Variants in GRIP2 observed in about 807,000 individuals in gnomAD.
The protein encoded by GRIP2 is glutamate receptor-interacting protein 2.
A neutral mutation model predicts 108.3 loss-of-function variants in GRIP2; 58 were observed. That is an observed-to-expected ratio of 0.54 (90% CI 0.43 to 0.67). GRIP2 has a LOEUF of 0.67. Among genes scored for constraint, GRIP2 ranks in the 30% least tolerant of loss-of-function variants. The pLI, the probability that GRIP2 is intolerant of heterozygous loss-of-function variation, is 0.00. For missense variants in GRIP2, 1,278 were observed against 1,430.6 expected, an observed-to-expected ratio of 0.89 and a Z score of 1.72; for synonymous variants, 586 against 598.2, an observed-to-expected ratio of 0.98 and a Z score of 0.30.
intron 5 of GRIP2, chr3:14,523,332 T>G: frequency 1.7e-6 from 1 of 573,654 alleles, no homozygotes; most frequent in Non-Finnish European, 3.1e-6. Flanking sequence ...TATTTCCCCT[T>G]TTCCCTGATC....
chr3:14,526,240 C>T (rs73132038), intron 1 of GRIP2, among the ~76,000 whole-genome samples: 4,348 of 152,290 alleles, frequency 0.029, 195 homozygotes, highest in African/African-American at 0.093. Flanking sequence ...CAGATTATTC[C>T]ACTGTACAGA....
At chr3:14,584,204 A>T in the GRIP2 span, among the ~76,000 whole-genome samples, 1 of 152,208 alleles carries the variant, frequency 6.6e-6, no homozygotes, top group African/African-American at 2.4e-5. Context: ...CTGGACCAGG[A>T]GGTGACTGCA....
chr3:14,525,587 G>C lies in GRIP2; in HGVS notation c.122-15C>G. On this transcript the variant is annotated splice_polypyrimidine_tract_variant and intron_variant, in intron 2 of 23. Coordinates refer to ENST00000621039, the MANE Select transcript of GRIP2 (RefSeq NM_001080423.4). ...TCGGAACTCCTCTGCCAACAGATGG[G>C]GATGGGGGCTTGAGCGGGCAGCTGG... The C allele has an allele frequency of 6.2e-7, 1 of 1,613,618 alleles. No homozygotes were observed. The highest frequency in any genetic ancestry group is 8.5e-7 in the Non-Finnish European group (1 of 1,179,828).
At chr3:14,579,955 G>C in the GRIP2 span, among the ~76,000 whole-genome samples, 1 of 152,334 alleles carries the variant, frequency 6.6e-6, no homozygotes, top group South Asian at 2.1e-4. Flanking sequence ...TGGGGTGATG[G>C]GGTGAGGCTG....
At chr3:14,593,956 C>T in the GRIP2 span, among the ~76,000 whole-genome samples, 1 of 152,350 alleles carries the variant, frequency 6.6e-6, no homozygotes, top group East Asian at 1.9e-4. Flanking sequence ...GTGGGGGACT[C>T]ACCCTTCTCA....
At chr3:14,501,542 G>C (rs943483609) in intron 21 of GRIP2, among the ~76,000 whole-genome samples, 1 of 151,974 alleles carries the variant, frequency 6.6e-6, no homozygotes, top group Non-Finnish European at 1.5e-5. Flanking sequence ...TTGGTATTAG[G>C]AAAGATTAAA....
chr3:14,548,172 T>G (rs1695085368), intron 1 of GRIP2, among the ~76,000 whole-genome samples: 2 of 150,010 alleles, frequency 1.3e-5, no homozygotes, highest in East Asian at 2.0e-4. Context: ...GGGCAGAGGG[T>G]GGGAAGTGGG....
chr3:14,542,134 TTC>T (rs1694985858), upstream of GRIP2: 28 of 1,116,208 alleles, frequency 2.5e-5, no homozygotes, highest in Admixed American at 1.3e-4. Flanking sequence ...CTCTTTCTCT[TTC>T]TCTCTTTTTA....
Position 14,520,013 on chromosome 3 carries a change from G to A in GRIP2, c.1030+97C>T, listed in dbSNP as rs1381324165. On this transcript the variant is annotated intron_variant, in intron 9 of 23. Transcript: ENST00000621039. ...TGAGGATTTGTCCTAGTACATTTTA[G>A]CCTGCTCCTCCCAGCCTGCCCAGGG... 8.4e-6 allele frequency: 10 copies of A among 1,187,690 alleles called. No homozygotes were observed. The East Asian group carries it at 2.6e-4, about 30-fold the overall frequency. The allele number at this position is 1,187,690 out of a possible 1,614,324, so 73.6% of individuals were successfully genotyped here. A position where few individuals can be genotyped will look rare whatever the true frequency, so the allele number is the denominator to read the frequency against.
chr3:14,490,653 C>A lies in GRIP2; in HGVS notation c.*3012G>T, dbSNP rs1701315289. Reference sequence around the variant, plus strand: ...CCTACCCAAGCCTTCACGACTGATTCCTGCTACCTCCAACCTAGTCTCCAG... The same window carrying A: ...CCTACCCAAGCCTTCACGACTGATTACTGCTACCTCCAACCTAGTCTCCAG... On this transcript the variant is annotated 3_prime_UTR_variant, in exon 24 of 24. Transcript: ENST00000621039. 1 of 152,354 alleles carries A rather than the reference C, an allele frequency of 6.6e-6. No individual in the cohort carries two copies. Among genetic ancestry groups the A allele is most frequent in the African/African-American group, 2.4e-5 (1 of 41,482 alleles). The allele number at this position is 152,354 out of a possible 1,614,324, so 9.4% of individuals were successfully genotyped here. A position where few individuals can be genotyped will look rare whatever the true frequency, so the allele number is the denominator to read the frequency against.
intron 21 of GRIP2, among the ~76,000 whole-genome samples, chr3:14,502,245 C>A (rs1341944267): frequency 6.6e-6 from 1 of 152,152 alleles, no homozygotes; most frequent in East Asian, 1.9e-4. Context: ...GTAATCCCAG[C>A]ACTTTGGGAA....
At chr3:14,508,797 C>T (rs1276790271) in intron 17 of GRIP2, among the ~76,000 whole-genome samples, 1 of 152,152 alleles carries the variant, frequency 6.6e-6, no homozygotes, top group Non-Finnish European at 1.5e-5. Context: ...TATTTGATTA[C>T]ATGTTGAACT....
chr3:14,572,611 CAA>C, the GRIP2 span, among the ~76,000 whole-genome samples: 7 of 46,958 alleles, frequency 1.5e-4, no homozygotes, highest in Admixed American at 3.8e-4. Context: ...GACTCCGTCT[CAA>C]AAAAAAAAAA....
At chr3:14,571,992 T>C in the GRIP2 span, among the ~76,000 whole-genome samples, 1 of 152,222 alleles carries the variant, frequency 6.6e-6, no homozygotes, top group African/African-American at 2.4e-5. Flanking sequence ...GGAAAGCTGT[T>C]TGATAGTATC....
At chr3:14,541,980 C>A, upstream of GRIP2, 1 of 1,352,144 alleles carries the variant, frequency 7.4e-7, no homozygotes, top group East Asian at 4.7e-5. Flanking sequence ...TAGCTTCAAC[C>A]ACGCGGGAAG....
the GRIP2 span, among the ~76,000 whole-genome samples, chr3:14,583,760 T>G: frequency 1.3e-5 from 2 of 152,216 alleles, no homozygotes; most frequent in Non-Finnish European, 2.9e-5. Context: ...ACAAGTGAGA[T>G]ATTTTATTTA....
the GRIP2 span, chr3:14,574,730 C>A: frequency 2.0e-6 from 1 of 510,602 alleles, no homozygotes; most frequent in South Asian, 1.8e-5. Flanking sequence ...CATCCCTAAT[C>A]GAGCAGCCTT....
chr3:14,564,329 A>G, the GRIP2 span, among the ~76,000 whole-genome samples: 1 of 152,228 alleles, frequency 6.6e-6, no homozygotes, highest in African/African-American at 2.4e-5. Flanking sequence ...AAATGCCACT[A>G]CGGTCCTCGT....
At chr3:14,546,812 C>T (rs931409094), upstream of GRIP2, among the ~76,000 whole-genome samples, 2 of 152,052 alleles carry the variant, frequency 1.3e-5, no homozygotes, top group Non-Finnish European at 2.9e-5. Context: ...AACCAAGAGC[C>T]GGTGAAGATG....
Sources: allele counts gnomAD v4.1 joint callset (sites outside exome capture counted in the v4.1 genomes callset), GRCh38; gene constraint gnomAD v4.1.1; transcripts MANE v1.5; gene names NCBI Gene and HGNC (gene_info 2026-07-23, HGNC 2026-07-21).